EP400: variants seen among roughly 807,000 people sequenced by gnomAD.
EP400 encodes E1A binding protein p400, also known as E1A-binding protein p400.
EP400 carries 105 observed loss-of-function variants against 354.1 expected under a neutral mutation model. The observed-to-expected ratio is 0.30, with a 90% CI of 0.25 to 0.35. EP400 has a LOEUF of 0.35. Ranked by LOEUF, EP400 falls within the 10% of genes least tolerant of loss-of-function variation. The pLI, the probability that EP400 is intolerant of heterozygous loss-of-function variation, is 1.00. For synonymous variants in EP400, 1,646 were observed against 1,716.9 expected, an observed-to-expected ratio of 0.96 and a Z score of 1.02; for missense variants, 3,280 against 4,121.0, an observed-to-expected ratio of 0.80 and a Z score of 5.59.
At chr12:132,011,803 C>T (rs894665356) in intron 16 of EP400, among the ~76,000 whole-genome samples, 169 bp downstream of exon 16, 3 of 152,114 alleles carry the variant, frequency 2.0e-5, no homozygotes, top group Admixed American at 6.5e-5. Flanking sequence ...TAGACAATAC[C>T]GCATCGGCCT....
At chr12:132,004,393 G>T (rs1222024506) in intron 12 of EP400, among the ~76,000 whole-genome samples, 1 of 151,952 alleles carries the variant, frequency 6.6e-6, no homozygotes, top group East Asian at 1.9e-4. Context: ...TAATTAATGT[G>T]TGGTATTTTT....
intron 41 of EP400, among the ~76,000 whole-genome samples, chr12:132,051,548 G>A (rs1450855693): frequency 6.6e-5 from 10 of 152,194 alleles, no homozygotes; most frequent in East Asian, 5.8e-4. Flanking sequence ...CCTGGCAGCC[G>A]AGGTAGAGAG....
chr12:132,080,058 G>A lies in EP400; in HGVS notation c.*2385G>A, dbSNP rs1479857693. 1 of 152,226 alleles carries A rather than the reference G, an allele frequency of 6.6e-6. No individual in the cohort carries two copies. The highest frequency in any genetic ancestry group is 1.5e-5 in the Non-Finnish European group (1 of 68,046). 9.4% of individuals were successfully genotyped at this position (152,226 alleles called of 1,614,324 possible). A position where few individuals can be genotyped will look rare whatever the true frequency, so the allele number is the denominator to read the frequency against. On this transcript the variant is annotated 3_prime_UTR_variant, in exon 53 of 53. Transcript: ENST00000389561. ...GGCAAGTAAGAGTTGGAAACTTTGA[G>A]AACACAGACTATAAAGGCAGCAGCC...
At chr12:132,001,971 C>T (rs1005868999) in intron 12 of EP400, among the ~76,000 whole-genome samples, 1 of 152,210 alleles carries the variant, frequency 6.6e-6, no homozygotes, top group Admixed American at 6.5e-5. Context: ...TACACTGGAA[C>T]AGCTCGTGCC....
At chr12:131,974,082 G>A (rs1415403829) in intron 2 of EP400, among the ~76,000 whole-genome samples, 3 of 150,996 alleles carry the variant, frequency 2.0e-5, no homozygotes, top group Non-Finnish European at 4.4e-5. Context: ...GGGTTGAAGC[G>A]ATTCTCCCAC....
At chr12:131,989,748 A>G (rs866814878) in intron 7 of EP400, among the ~76,000 whole-genome samples, 1 of 152,248 alleles carries the variant, frequency 6.6e-6, no homozygotes. Context: ...GGTGAAAAGT[A>G]TAAAAACACT....
chr12:132,065,353 TG>T (rs2136611943), intron 48 of EP400: 1 of 163,688 alleles, frequency 6.1e-6, no homozygotes, highest in African/African-American at 2.4e-5. Context: ...AAGTGCTGTC[TG>T]GGAAGACTGG....
chr12:132,044,397 T>A, intron 35 of EP400, 86 bp downstream of exon 35: 1 of 1,497,652 alleles, frequency 6.7e-7, no homozygotes, highest in Non-Finnish European at 8.9e-7. Context: ...AAAGTCTGTG[T>A]ACATTGACAT....
chr12:131,981,632 G>T (rs1270053441), intron 4 of EP400, 36 bp downstream of exon 4: 6 of 1,550,558 alleles, frequency 3.9e-6, no homozygotes, highest in Non-Finnish European at 5.3e-6. Context: ...CCCCGCTCAG[G>T]AGCAGGCAGC....
At position 132,017,265 on chromosome 12, in the gene EP400, G is replaced by A. The variant is rs1893974778; in HGVS notation, c.3924-270G>A. On this transcript the variant is annotated intron_variant, in intron 19 of 52. Transcript: ENST00000389561. The surrounding 1 kb of genome is among the most constrained non-coding windows in gnomAD (Gnocchi z 5.0). ...TGGATGCCCCCACTTCTCTTTCAGA[G>A]CACTCGGTATGATTGTGAATGAAGT... Among the ~76,000 whole-genome samples, 1 of 152,244 alleles carries A rather than the reference G, an allele frequency of 6.6e-6. No homozygotes were observed. The highest frequency in any genetic ancestry group is 1.9e-4 in the East Asian group (1 of 5,200).
At chr12:132,053,946 A>G (rs1050745551) in intron 43 of EP400, among the ~76,000 whole-genome samples, 8 of 152,198 alleles carry the variant, frequency 5.3e-5, no homozygotes, top group Non-Finnish European at 8.8e-5. Context: ...GACTTCCTAC[A>G]CACTTAGAGA....
At chr12:132,076,410 G>T in intron 51 of EP400, 106 bp from the exon 52 acceptor site, 1 of 1,105,074 alleles carries the variant, frequency 9.0e-7, no homozygotes, top group East Asian at 2.6e-5. Context: ...GTGTCACCTG[G>T]TCATTGTGTT....
chr12:132,028,315 G>T (rs769054663), intron 27 of EP400, 27 bp downstream of exon 27: 1 of 1,603,374 alleles, frequency 6.2e-7, no homozygotes, highest in Non-Finnish European at 8.5e-7. Flanking sequence ...GACCTTTTCG[G>T]TGCTCTCTGG....
Position 131,990,541 on chromosome 12 carries a change from C to A in EP400, c.2551-95C>A. ...TGACGAGGCTGGAAAACACTGTTTT[C>A]AGACTCTGCTTATGTGCTTTAGTGT... On this transcript the variant is annotated intron_variant, in intron 8 of 52. Transcript: ENST00000389561. This position sits in a 1 kb window ranked among gnomAD's most constrained non-coding sequence, Gnocchi z 4.2. The A allele has an allele frequency of 1.1e-6, 1 of 926,942 alleles. No individual in the cohort carries two copies. Among genetic ancestry groups the A allele is most frequent in the Non-Finnish European group, 1.7e-6 (1 of 604,660 alleles). 57.4% of individuals were successfully genotyped at this position (926,942 alleles called of 1,614,324 possible).
chr12:131,973,748 A>G (rs1892375675), intron 2 of EP400, among the ~76,000 whole-genome samples: 1 of 152,214 alleles, frequency 6.6e-6, no homozygotes, highest in Admixed American at 6.5e-5. Flanking sequence ...AAATAAATCC[A>G]GAGTGCTCAG....
At position 132,050,213 on chromosome 12, in the gene EP400, T is replaced by A; in HGVS notation, c.7201-110T>A. 4 of 1,331,422 alleles carry A rather than the reference T, an allele frequency of 3.0e-6. No individual in the cohort carries two copies. The highest frequency in any genetic ancestry group is 4.1e-6 in the Non-Finnish European group (4 of 969,346). 82.5% of individuals were successfully genotyped at this position (1,331,422 alleles called of 1,614,324 possible). ...AGGCCCAGGAAAAGGAAGTTTGTGT[T>A]CAGCCATGGGGAGTTTAGCCTCAGA... is the stretch of plus-strand genomic sequence containing the variant. On this transcript the variant is annotated intron_variant, in intron 39 of 52. Transcript: ENST00000389561. The surrounding 1 kb of genome is among the most constrained non-coding windows in gnomAD (Gnocchi z 4.8).
Position 132,032,601 on chromosome 12 carries a change from AAAG to A in EP400, c.5951+457_5951+459del, listed in dbSNP as rs527501223. Reference sequence around the variant, plus strand: ...TTGAAAGAATGGTCAACACCTGTGAAAAGAAGAGAAAAGAGAATTAGTTTTTTT... The same window carrying A: ...TTGAAAGAATGGTCAACACCTGTGAAAAGAGAAAAGAGAATTAGTTTTTTT... On this transcript the variant is annotated intron_variant, in intron 30 of 52. Transcript: ENST00000389561. Among the ~76,000 whole-genome samples, 24 of 152,288 alleles carry A rather than the reference AAAG, an allele frequency of 1.6e-4. 1 individual carries two copies. The South Asian group carries it at 3.9e-3, about 25-fold the overall frequency.
chr12:132,036,585 C>T (rs552669202), intron 30 of EP400, among the ~76,000 whole-genome samples: 5 of 152,370 alleles, frequency 3.3e-5, no homozygotes, highest in South Asian at 4.1e-4. Flanking sequence ...AGTGTGCCCG[C>T]GGAAGCGCAC....
At chr12:131,989,672 T>C (rs1198044918) in intron 7 of EP400, among the ~76,000 whole-genome samples, 2 of 152,218 alleles carry the variant, frequency 1.3e-5, no homozygotes, top group Non-Finnish European at 2.9e-5. Context: ...TAATCATCTA[T>C]TAAATGGGAA....
Sources: allele counts gnomAD v4.1 joint callset (sites outside exome capture counted in the v4.1 genomes callset), GRCh38; gene constraint gnomAD v4.1.1; non-coding constraint Gnocchi (gnomAD v3.1); transcripts MANE v1.5; gene names NCBI Gene and HGNC (gene_info 2026-07-23, HGNC 2026-07-21).